The following PAM variants were observed in gnomAD, a reference collection of about 807,000 sequenced individuals.
PAM encodes the protein peptidylglycine alpha-amidating monooxygenase.
Under a neutral mutation model 122.1 loss-of-function variants are expected in PAM, and 72 were observed. That is an observed-to-expected ratio of 0.59 (90% CI 0.49 to 0.72). PAM has a LOEUF of 0.72. PAM is among the 30% of genes least tolerant of loss of function. The pLI, the probability that PAM is intolerant of heterozygous loss-of-function variation, is 0.00. For missense variants in PAM, 1,106 were observed against 1,183.7 expected (o/e 0.93, Z 0.96); for synonymous variants, 389 against 404.4 (o/e 0.96, Z 0.46).
Position 102,959,919 on chromosome 5 carries a change from A to C in PAM, c.950A>C (p.Tyr317Ser). ...DEMCNLYIMY[Y>S]MEAKHAVSFM... Reference sequence around the variant, plus strand: ...ATGTGCAACTTATACATTATGTATTACATGGAAGCCAAGCATGCAGTTTCT... The same window carrying C: ...ATGTGCAACTTATACATTATGTATTCCATGGAAGCCAAGCATGCAGTTTCT... The change falls in exon 13 of 26, where the codon TAC (tyrosine) becomes TCC (serine). Residue 317 changes from tyrosine to serine, a missense_variant. Coordinates refer to ENST00000438793, the MANE Select transcript of PAM (RefSeq NM_001177306.2). The C allele has an allele frequency of 3.1e-6, 5 of 1,612,600 alleles. No individual in the cohort carries two copies. Among genetic ancestry groups the C allele is most frequent in the Non-Finnish European group, 4.2e-6 (5 of 1,178,812 alleles).
intron 14 of PAM, 151 bp downstream of exon 14, chr5:102,961,380 G>GAA (rs947875619): frequency 1.6e-5 from 8 of 505,880 alleles, no homozygotes; most frequent in African/African-American, 4.0e-5. Context: ...TAATTCATGA[G>GAA]AAAATGGTCA....
chr5:102,780,639 C>G (rs1280406301), intron 1 of PAM, among the ~76,000 whole-genome samples: 1 of 152,132 alleles, frequency 6.6e-6, no homozygotes, highest in African/African-American at 2.4e-5. Flanking sequence ...GCTCTCCCCA[C>G]ACCAGCCCTG....
chr5:102,814,807 T>G (rs1055050186), intron 1 of PAM, among the ~76,000 whole-genome samples: 4 of 152,040 alleles, frequency 2.6e-5, no homozygotes. Flanking sequence ...GTTATTCCAT[T>G]AAGCTTTGTA....
At chr5:102,878,086 G>C (rs1202346763) in intron 3 of PAM, among the ~76,000 whole-genome samples, 1 of 151,734 alleles carries the variant, frequency 6.6e-6, no homozygotes, top group East Asian at 1.9e-4. Context: ...TAATTATAAA[G>C]GAATAATCCC....
Position 103,007,554 on chromosome 5 carries a change from A to G in PAM, c.2112A>G (p.Glu704=), listed in dbSNP as rs754176969. Residue 704 remains glutamate, a synonymous_variant, in exon 20 of 26, where the codon GAA becomes GAG. Transcript: ENST00000438793. ...GCCAATTATGTGTGGCAGACCGGGA[A>G]AATGGTCGGATCCAGTGTTTTAAAA... ...LLGQLCVADR[E]NGRIQCFKTD... 4 of 1,613,988 alleles carry G rather than the reference A, an allele frequency of 2.5e-6. No individual in the cohort carries two copies. Among genetic ancestry groups the G allele is most frequent in the Non-Finnish European group, 3.4e-6 (4 of 1,179,890 alleles).
chr5:102,945,837 G>A (rs185482332), intron 7 of PAM, among the ~76,000 whole-genome samples: 1 of 152,110 alleles, frequency 6.6e-6, no homozygotes, highest in East Asian at 1.9e-4. Flanking sequence ...AATTTTTATT[G>A]CAATAAACGT....
At chr5:102,935,351 C>A (rs569421447) in intron 7 of PAM, among the ~76,000 whole-genome samples, 2 of 151,996 alleles carry the variant, frequency 1.3e-5, no homozygotes, top group East Asian at 3.9e-4. Flanking sequence ...TAACAGTGTA[C>A]CCTGGACATA....
intron 5 of PAM, among the ~76,000 whole-genome samples, chr5:102,917,665 T>C (rs1209005822): frequency 6.6e-6 from 1 of 152,176 alleles, no homozygotes; most frequent in East Asian, 1.9e-4. Flanking sequence ...AATAGGTGTC[T>C]TTAATATAGA....
intron 1 of PAM, among the ~76,000 whole-genome samples, chr5:102,822,854 C>A (rs1772408027): frequency 6.6e-6 from 1 of 151,996 alleles, no homozygotes; most frequent in Non-Finnish European, 1.5e-5. Context: ...TGCCCTGGCA[C>A]ACACTCACCT....
chr5:102,756,879 TATAAAG>T (rs1306378290), intron 1 of PAM, among the ~76,000 whole-genome samples: 1 of 152,244 alleles, frequency 6.6e-6, no homozygotes, highest in Non-Finnish European at 1.5e-5. Flanking sequence ...GCTTTAAAGA[TATAAAG>T]ATATAGAGTA....
intron 1 of PAM, among the ~76,000 whole-genome samples, chr5:102,832,272 C>G (rs894374562): frequency 6.6e-6 from 1 of 152,052 alleles, no homozygotes; most frequent in Non-Finnish European, 1.5e-5. Context: ...TGACATTGAT[C>G]GTACCCATAG....
intron 2 of PAM, chr5:102,866,668 A>G: frequency 5.4e-6 from 1 of 184,188 alleles, no homozygotes; most frequent in Non-Finnish European, 1.1e-5. Context: ...TCACAAGGAA[A>G]CACTGAGCTG....
intron 21 of PAM, among the ~76,000 whole-genome samples, chr5:103,010,749 C>T (rs1780359322): frequency 6.6e-6 from 1 of 151,818 alleles, no homozygotes; most frequent in Non-Finnish European, 1.5e-5. Context: ...TTTAAAATGC[C>T]TCAATATTAT....
intron 1 of PAM, among the ~76,000 whole-genome samples, chr5:102,850,965 A>C (rs1189510442): frequency 6.6e-6 from 1 of 152,198 alleles, no homozygotes; most frequent in Non-Finnish European, 1.5e-5. Context: ...CAGGAAACTC[A>C]TATTGGTAGG....
chr5:102,772,052 G>A (rs1370596232), intron 1 of PAM, among the ~76,000 whole-genome samples: 2 of 152,068 alleles, frequency 1.3e-5, no homozygotes, highest in East Asian at 3.9e-4. Flanking sequence ...TAATAGCTGC[G>A]TGACCTTGGG....
intron 21 of PAM, 132 bp from the exon 22 acceptor site, chr5:103,017,202 G>A (rs1177720943): frequency 1.5e-6 from 1 of 651,318 alleles, no homozygotes; most frequent in East Asian, 2.6e-5. Flanking sequence ...TGCTTCAATA[G>A]GAAATATTTT....
intron 15 of PAM, among the ~76,000 whole-genome samples, chr5:102,986,581 C>T (rs1346880462): frequency 6.6e-6 from 1 of 152,038 alleles, no homozygotes; most frequent in Non-Finnish European, 1.5e-5. Flanking sequence ...TTGAAAATGA[C>T]ACCAAAAAAA....
chr5:102,950,635 A>AACATAC, intron 11 of PAM, 82 bp from the exon 12 acceptor site: 1 of 825,474 alleles, frequency 1.2e-6, no homozygotes, highest in East Asian at 2.5e-5. Context: ...GTAAAGGAGG[A>AACATAC]ACATACCTCA....
chr5:102,875,312 C>T (rs1319796827), intron 3 of PAM, among the ~76,000 whole-genome samples: 1 of 152,004 alleles, frequency 6.6e-6, no homozygotes, highest in Non-Finnish European at 1.5e-5. Context: ...CCCATCTCAG[C>T]CTCCTGAGTA....
Sources: gnomAD v4.1 joint callset for allele counts (sites outside exome capture counted in the v4.1 genomes callset) on GRCh38, gnomAD v4.1.1 for gene constraint, MANE v1.5 for transcripts, NCBI Gene and HGNC (gene_info 2026-07-23, HGNC 2026-07-21) for gene names.